Variants in FBN2 observed in about 807,000 individuals in gnomAD.
FBN2 encodes fibrillin 2.
A neutral mutation model predicts 355.6 loss-of-function variants in FBN2; 105 were observed. The observed-to-expected ratio is 0.30, with a 90% CI of 0.25 to 0.35. The LOEUF is 0.35. Ranked by LOEUF, FBN2 falls within the 10% of genes least tolerant of loss-of-function variation. The pLI is 1.00. For synonymous variants in FBN2, 1,350 were observed against 1,301.2 expected (o/e 1.04, Z -0.81); for missense variants, 3,280 against 3,758.7 (o/e 0.87, Z 3.33).
rs763215626 is a variant in FBN2 at position 128,288,449 on chromosome 5, A to G, written c.6746T>C (p.Met2249Thr). Residue 2249 changes from methionine to threonine, a missense_variant, in exon 53 of 65, where the codon ATG becomes ACG. Physicochemically the swap from Met to Thr is moderately conservative, Grantham distance 81 (BLOSUM62 -1). This residue lies in a region of FBN2 where 2,284 missense variants were observed against 2,749.5 expected (regional missense o/e 0.83). Coordinates refer to ENST00000262464, the MANE Select transcript of FBN2 (RefSeq NM_001999.4). ...CAAAGATCACTTGCCTTCACAATTCATCATGGGCCCTGGCTCAAAGCCTTC... is the reference window on the plus strand; with the variant it reads ...CAAAGATCACTTGCCTTCACAATTCGTCATGGGCCCTGGCTCAAAGCCTTC... The part of the protein sequence containing the change: ...CNEGFEPGPM[M>T]NCEDINECAQ... 2 of 1,614,004 alleles carry G rather than the reference A, an allele frequency of 1.2e-6. No homozygotes were observed. The highest frequency in any genetic ancestry group is 1.1e-5 in the South Asian group (1 of 91,092).
intron 6 of FBN2, among the ~76,000 whole-genome samples, chr5:128,453,370 C>T (rs1245785822): frequency 6.6e-6 from 1 of 152,152 alleles, no homozygotes; most frequent in Non-Finnish European, 1.5e-5. Context: ...AAGAATATCT[C>T]AAATCTTTCC....
intron 7 of FBN2, among the ~76,000 whole-genome samples, chr5:128,414,278 C>A (rs754512548): frequency 3.3e-5 from 5 of 152,136 alleles, no homozygotes; most frequent in Non-Finnish European, 5.9e-5. Flanking sequence ...TATTAGCAAT[C>A]ATTCCTCCTA....
intron 32 of FBN2, among the ~76,000 whole-genome samples, chr5:128,332,533 A>C (rs1750720802): frequency 6.6e-6 from 1 of 152,218 alleles, no homozygotes; most frequent in African/African-American, 2.4e-5. Flanking sequence ...CTTACTAAAA[A>C]ATTAGGTTAT....
intron 5 of FBN2, among the ~76,000 whole-genome samples, chr5:128,499,946 T>C (rs1226763440): frequency 6.6e-6 from 1 of 152,182 alleles, no homozygotes; most frequent in Non-Finnish European, 1.5e-5. Context: ...AGTATGGTCA[T>C]GGGAAACACA....
chr5:128,373,329 G>A (rs1751996523), intron 15 of FBN2, among the ~76,000 whole-genome samples: 1 of 152,194 alleles, frequency 6.6e-6, no homozygotes, highest in Non-Finnish European at 1.5e-5. Flanking sequence ...CTGTAAGCAG[G>A]AAGAAGTTAT....
chr5:128,349,003 T>C (rs1751269966), intron 23 of FBN2, among the ~76,000 whole-genome samples: 1 of 152,190 alleles, frequency 6.6e-6, no homozygotes, highest in African/African-American at 2.4e-5. Context: ...AGCTGACAAA[T>C]GTAAACTTTT....
chr5:128,506,195 C>A (rs182048897), intron 5 of FBN2, among the ~76,000 whole-genome samples: 20 of 152,278 alleles, frequency 1.3e-4, no homozygotes, highest in Non-Finnish European at 2.5e-4. Flanking sequence ...GGACTTCATA[C>A]ATTCCTGGTA....
chr5:128,529,712 A>G (rs1756655003), intron 3 of FBN2, among the ~76,000 whole-genome samples: 3 of 152,224 alleles, frequency 2.0e-5, no homozygotes, highest in Admixed American at 2.0e-4. Flanking sequence ...GTAGGTAATC[A>G]GGCAAGAAAG....
intron 5 of FBN2, among the ~76,000 whole-genome samples, chr5:128,513,295 AC>A (rs1239850745): frequency 6.6e-5 from 10 of 152,210 alleles, no homozygotes; most frequent in Non-Finnish European, 1.3e-4. Context: ...TGATTTAATT[AC>A]TTTTGAGTAA....
Position 128,446,473 on chromosome 5 carries a change from A to G in FBN2, c.952+8T>C, listed in dbSNP as rs754840682. On this transcript the variant is annotated splice_region_variant and intron_variant, in intron 7 of 64. Coordinates refer to ENST00000262464, the MANE Select transcript of FBN2 (RefSeq NM_001999.4). ...ATTAGGCATGCTTCCCAAAGTAGAGAGACTCACCTTCACATTTCTGAGTAG... is the reference window on the plus strand; with the variant it reads ...ATTAGGCATGCTTCCCAAAGTAGAGGGACTCACCTTCACATTTCTGAGTAG... The G allele has an allele frequency of 1.2e-6, 2 of 1,613,614 alleles. No individual in the cohort carries two copies. The highest frequency in any genetic ancestry group is 1.7e-6 in the Non-Finnish European group (2 of 1,179,716).
chr5:128,536,298 T>G, intron 2 of FBN2, 104 bp downstream of exon 2: 1 of 866,934 alleles, frequency 1.2e-6, no homozygotes. Context: ...TGTGATCACT[T>G]GATTTTAAAC....
At chr5:128,427,318 A>G (rs1421493596) in intron 7 of FBN2, among the ~76,000 whole-genome samples, 1 of 152,160 alleles carries the variant, frequency 6.6e-6, no homozygotes, top group African/African-American at 2.4e-5. Context: ...GTAGCTTAAA[A>G]CAATAACCAA....
intron 7 of FBN2, among the ~76,000 whole-genome samples, chr5:128,435,604 T>A (rs1753750811): frequency 6.6e-6 from 1 of 152,134 alleles, no homozygotes; most frequent in Non-Finnish European, 1.5e-5. Flanking sequence ...TCATATGGGG[T>A]GCAGCAGGAG....
At chr5:128,530,230 A>C (rs1043477215) in intron 3 of FBN2, among the ~76,000 whole-genome samples, 2 of 152,170 alleles carry the variant, frequency 1.3e-5, no homozygotes, top group Non-Finnish European at 2.9e-5. Flanking sequence ...CATTATGTGT[A>C]AAGTATGTGG....
In FBN2 at chr5:128,339,060, G is replaced by C. The variant is rs767959990; in HGVS notation, c.3345C>G (p.Asp1115Glu). The stretch of plus-strand genomic sequence containing the variant: ...CAGGAGAAATCCTGCACTCGTCGAT[G>C]TCTAATTCACAGGGTTTAAAAGAAA... Reference protein sequence around the residue: ...ALDMEERNCTDIDECRISPDL... With the variant: ...ALDMEERNCTEIDECRISPDL... Residue 1115 changes from aspartate (D) to glutamate (E), a missense_variant and splice_region_variant, in exon 26 of 65, where the codon GAC becomes GAG. Transcript: ENST00000262464. The C allele has an allele frequency of 3.7e-6, 6 of 1,613,766 alleles. No individual in the cohort carries two copies. The Admixed American group carries it at 1.0e-4, about 27-fold the overall frequency.
chr5:128,461,475 A>AT (rs1754553379), intron 6 of FBN2, among the ~76,000 whole-genome samples: 1 of 152,212 alleles, frequency 6.6e-6, no homozygotes, highest in Non-Finnish European at 1.5e-5. Context: ...CAGAAATACC[A>AT]TTTGACCCAG....
chr5:128,525,307 G>C (rs1756534312), intron 4 of FBN2, among the ~76,000 whole-genome samples: 1 of 152,046 alleles, frequency 6.6e-6, no homozygotes, highest in Non-Finnish European at 1.5e-5. Flanking sequence ...AAACAGAGTT[G>C]GCAATCAGAT....
intron 11 of FBN2, among the ~76,000 whole-genome samples, chr5:128,389,989 TC>T (rs1752467722): frequency 6.6e-6 from 1 of 152,162 alleles, no homozygotes; most frequent in Non-Finnish European, 1.5e-5. Flanking sequence ...TACTGAGCCA[TC>T]TTGGCCTTTC....
intron 5 of FBN2, among the ~76,000 whole-genome samples, chr5:128,478,009 G>C (rs938662016): frequency 1.3e-5 from 2 of 152,166 alleles, no homozygotes; most frequent in South Asian, 4.1e-4. Flanking sequence ...TGAGATTGCT[G>C]AATGTTTTCC....
Sources: allele counts gnomAD v4.1 joint callset (sites outside exome capture counted in the v4.1 genomes callset), GRCh38; gene constraint gnomAD v4.1.1; regional missense constraint gnomAD v4.1.1; transcripts MANE v1.5; gene names NCBI Gene and HGNC (gene_info 2026-07-23, HGNC 2026-07-21).